The following KCNIP4 variants were observed in gnomAD, a reference collection of about 807,000 sequenced individuals.
KCNIP4 encodes potassium voltage-gated channel interacting protein 4.
In KCNIP4, 12 loss-of-function variants were observed where a neutral mutation model predicts 34.0. That is an observed-to-expected ratio of 0.35 (90% CI 0.23 to 0.57). The LOEUF is 0.57. Ranked by LOEUF, KCNIP4 falls within the 20% of genes least tolerant of loss-of-function variation. KCNIP4 has a pLI of 0.83. For missense variants in KCNIP4, 238 were observed against 311.7 expected, an observed-to-expected ratio of 0.76 and a Z score of 1.78; for synonymous variants, 124 against 102.2, an observed-to-expected ratio of 1.21 and a Z score of -1.29.
At chr4:21,902,450 G>A (rs1727759036) in intron 1 of KCNIP4, among the ~76,000 whole-genome samples, 1 of 151,960 alleles carries the variant, frequency 6.6e-6, no homozygotes, top group South Asian at 2.1e-4. Flanking sequence ...AAAAGAACGT[G>A]GTGGTCTGAG....
At chr4:21,754,191 A>C (rs1398345754) in intron 1 of KCNIP4, among the ~76,000 whole-genome samples, 1 of 152,126 alleles carries the variant, frequency 6.6e-6, no homozygotes, top group Non-Finnish European at 1.5e-5. Context: ...AATTTATTTC[A>C]GGTTTCTGCT....
At chr4:21,240,782 T>C (rs1560206626) in intron 1 of KCNIP4, among the ~76,000 whole-genome samples, 2 of 152,174 alleles carry the variant, frequency 1.3e-5, no homozygotes, top group Non-Finnish European at 2.9e-5. Flanking sequence ...CTGAAGACAA[T>C]GCAAAAATAT....
intron 1 of KCNIP4, among the ~76,000 whole-genome samples, chr4:21,090,472 C>T (rs188544621): frequency 2.6e-4 from 39 of 152,298 alleles, no homozygotes; most frequent in African/African-American, 7.9e-4. Context: ...TAACCACATC[C>T]TCATAACCAT....
At chr4:21,429,907 T>C (rs961379417) in intron 1 of KCNIP4, among the ~76,000 whole-genome samples, 2 of 152,170 alleles carry the variant, frequency 1.3e-5, no homozygotes, top group Non-Finnish European at 2.9e-5. Flanking sequence ...GCATTTTTAA[T>C]CCTGATCTTT....
chr4:21,724,685 T>G (rs1038583657), intron 1 of KCNIP4, among the ~76,000 whole-genome samples: 1 of 152,040 alleles, frequency 6.6e-6, no homozygotes, highest in Non-Finnish European at 1.5e-5. Context: ...TCACATATAA[T>G]TTTATGCTCA....
At chr4:21,079,522 T>C (rs548079626) in intron 1 of KCNIP4, among the ~76,000 whole-genome samples, 2 of 150,192 alleles carry the variant, frequency 1.3e-5, no homozygotes, top group African/African-American at 5.0e-5. Flanking sequence ...CCAGATTGCC[T>C]TTCTCTTAAT....
chr4:20,933,104 G>A (rs1228314772), intron 1 of KCNIP4, among the ~76,000 whole-genome samples: 1 of 151,986 alleles, frequency 6.6e-6, no homozygotes, highest in African/African-American at 2.4e-5. Context: ...AATTAGCAAG[G>A]CATGATGGCA....
intron 1 of KCNIP4, among the ~76,000 whole-genome samples, chr4:21,294,652 A>G (rs1448008018): frequency 6.6e-6 from 1 of 152,202 alleles, no homozygotes; most frequent in Non-Finnish European, 1.5e-5. Context: ...TCACTCTATT[A>G]TAGATAATGT....
chr4:21,636,256 A>C (rs1182792977), intron 1 of KCNIP4, among the ~76,000 whole-genome samples: 1 of 151,512 alleles, frequency 6.6e-6, no homozygotes, highest in Non-Finnish European at 1.5e-5. Flanking sequence ...TAACCTGCAC[A>C]ATGTGCACAT....
intron 1 of KCNIP4, among the ~76,000 whole-genome samples, chr4:21,657,231 C>G (rs930002875): frequency 2.0e-5 from 3 of 152,052 alleles, no homozygotes; most frequent in Non-Finnish European, 4.4e-5. Flanking sequence ...TCTTTTTTTA[C>G]TTGCTTTTTC....
chr4:20,808,650 T>G (rs1176440044), intron 3 of KCNIP4, among the ~76,000 whole-genome samples: 3 of 152,212 alleles, frequency 2.0e-5, no homozygotes, highest in Non-Finnish European at 4.4e-5. Context: ...AAGTATATCC[T>G]CTTGTGTCCT....
intron 1 of KCNIP4, among the ~76,000 whole-genome samples, chr4:21,380,453 GAGGGGGAGAGAGAGA>G (rs1721384467): frequency 1.5e-5 from 2 of 135,026 alleles, no homozygotes; most frequent in Non-Finnish European, 3.4e-5. Context: ...GGGAGAGGGA[GAGGGGGAGAGAGAGA>G]GAGAGAGGGA....
At chr4:21,085,581 C>T (rs79460352) in intron 1 of KCNIP4, among the ~76,000 whole-genome samples, 1 of 152,236 alleles carries the variant, frequency 6.6e-6, no homozygotes, top group East Asian at 1.9e-4. Flanking sequence ...TGACACCAAG[C>T]CAACAGATGT....
intron 1 of KCNIP4, among the ~76,000 whole-genome samples, chr4:21,034,890 G>T (rs1041937472): frequency 6.6e-6 from 1 of 152,168 alleles, no homozygotes; most frequent in Non-Finnish European, 1.5e-5. Context: ...AACGTACATT[G>T]CTGGACAGCT....
At chr4:21,343,219 T>A (rs908291113) in intron 1 of KCNIP4, among the ~76,000 whole-genome samples, 1 of 151,960 alleles carries the variant, frequency 6.6e-6, no homozygotes, top group Non-Finnish European at 1.5e-5. Context: ...AGGTCCAAAG[T>A]CAATAAAAAT....
chr4:21,748,826 G>T (rs543007923), intron 1 of KCNIP4, among the ~76,000 whole-genome samples: 1 of 152,114 alleles, frequency 6.6e-6, no homozygotes, highest in African/African-American at 2.4e-5. Context: ...AAAAAGTTAG[G>T]GACAAAGAAT....
At chr4:21,274,383 C>T (rs561874337) in intron 1 of KCNIP4, among the ~76,000 whole-genome samples, 1 of 152,140 alleles carries the variant, frequency 6.6e-6, no homozygotes, top group Non-Finnish European at 1.5e-5. Flanking sequence ...AATCCAATCA[C>T]AAAGAAAAGA....
At chr4:21,591,407 G>A (rs1742209032) in intron 1 of KCNIP4, among the ~76,000 whole-genome samples, 1 of 152,020 alleles carries the variant, frequency 6.6e-6, no homozygotes, top group Non-Finnish European at 1.5e-5. Flanking sequence ...GTGTGATGCA[G>A]CCTTTTGGGT....
intron 1 of KCNIP4, among the ~76,000 whole-genome samples, chr4:21,241,521 G>C (rs780937826): frequency 3.3e-5 from 5 of 152,092 alleles, no homozygotes; most frequent in Non-Finnish European, 7.3e-5. Context: ...ACATAGAAAG[G>C]GGCTCATCGC....
Sources: gnomAD v4.1 joint callset for allele counts (sites outside exome capture counted in the v4.1 genomes callset) on GRCh38, gnomAD v4.1.1 for gene constraint, MANE v1.5 for transcripts, NCBI Gene and HGNC (gene_info 2026-07-23, HGNC 2026-07-21) for gene names.